Variants in GIGYF2 observed in about 807,000 individuals in gnomAD.
The protein encoded by GIGYF2 is GRB10-interacting GYF protein 2.
A neutral mutation model predicts 208.1 loss-of-function variants in GIGYF2; 25 were observed. The ratio of observed to expected loss-of-function variants is 0.12; its 90% CI spans 0.09 to 0.17. The LOEUF is 0.17. Ranked by LOEUF, GIGYF2 falls within the 10% of genes least tolerant of loss-of-function variation. GIGYF2 has a pLI of 1.00. For synonymous variants in GIGYF2, 534 were observed against 543.8 expected, an observed-to-expected ratio of 0.98 and a Z score of 0.25; for missense variants, 1,302 against 1,579.4, an observed-to-expected ratio of 0.82 and a Z score of 2.98.
intron 21 of GIGYF2, among the ~76,000 whole-genome samples, chr2:232,824,142 A>G (rs1701179442): frequency 6.6e-6 from 1 of 152,080 alleles, no homozygotes. Flanking sequence ...CGACCTCCCT[A>G]TTCGCTGAGA....
chr2:232,718,242 C>T (rs6746171), intron 2 of GIGYF2, among the ~76,000 whole-genome samples: 3,086 of 152,100 alleles, frequency 0.02, 122 homozygotes, highest in African/African-American at 0.071. Context: ...GGATTACAGG[C>T]GCCCACCACC....
rs10645449 is a variant in GIGYF2, at chr2:232,784,386, C to CTTTTTTT, written c.533-2749_533-2743dup. ...TCTAGCTACTTACACGAAATAATTT[C>CTTTTTTT]TTTTTTTTTTTTTTTTTTTTTGAGA... On this transcript the variant is annotated intron_variant, in intron 8 of 28. Coordinates refer to ENST00000373563, the MANE Select transcript of GIGYF2 (RefSeq NM_001103146.3). Among the ~76,000 whole-genome samples the CTTTTTTT allele has an allele frequency of 5.5e-4, 51 of 92,310 alleles. 6 individuals carry two copies. Among genetic ancestry groups the CTTTTTTT allele is most frequent in the Middle Eastern group, 8.9e-3 (1 of 112 alleles). The allele number at this position is 92,310 out of a possible 152,430, so 60.6% of individuals were successfully genotyped here. A position where few individuals can be genotyped will look rare whatever the true frequency, so the allele number is the denominator to read the frequency against.
chr2:232,714,871 G>A (rs1400560875), intron 2 of GIGYF2, among the ~76,000 whole-genome samples: 4 of 151,990 alleles, frequency 2.6e-5, no homozygotes, highest in East Asian at 1.9e-4. Flanking sequence ...TGTGTCATGG[G>A]GGTTTGTGGT....
intron 2 of GIGYF2, among the ~76,000 whole-genome samples, chr2:232,713,614 A>T (rs1334882304): frequency 6.6e-6 from 1 of 152,168 alleles, no homozygotes; most frequent in Non-Finnish European, 1.5e-5. Flanking sequence ...TCAGAATTCC[A>T]TCCAGGATAC....
Position 232,790,831 on chromosome 2 carries a change from G to A in GIGYF2, c.846G>A (p.Arg282=). Residue 282 remains arginine, a synonymous_variant, in exon 10 of 29, where the codon AGG becomes AGA. Transcript: ENST00000373563. ...GCAGTGGGAGCATAGATGATGACAG[G>A]GATAGCTTGCCCGAATGGTGCTTAG... The part of the protein sequence containing the change: ...RSGSGSIDDD[R]DSLPEWCLED... 6.2e-7 allele frequency: 1 copy of A among 1,614,064 alleles called. No homozygotes were observed. Among genetic ancestry groups the A allele is most frequent in the Non-Finnish European group, 8.5e-7 (1 of 1,179,976 alleles).
At chr2:232,824,337 G>A (rs1347045336) in intron 21 of GIGYF2, among the ~76,000 whole-genome samples, 1 of 152,196 alleles carries the variant, frequency 6.6e-6, no homozygotes, top group Non-Finnish European at 1.5e-5. Context: ...TAGCTAAGTT[G>A]TAAATGCAAA....
intron 3 of GIGYF2, among the ~76,000 whole-genome samples, chr2:232,746,941 G>T (rs1265030336): frequency 1.3e-5 from 2 of 152,038 alleles, no homozygotes; most frequent in Admixed American, 6.5e-5. Context: ...TCTAAATGTT[G>T]TATTTGTCAA....
chr2:232,807,021 C>T (rs1700581191), intron 15 of GIGYF2, among the ~76,000 whole-genome samples: 1 of 152,192 alleles, frequency 6.6e-6, no homozygotes, highest in Admixed American at 6.5e-5. Context: ...TTACCTTTAT[C>T]TGCTAGGCTT....
At chr2:232,765,986 G>A (rs968156060) in intron 8 of GIGYF2, 5 of 470,998 alleles carry the variant, frequency 1.1e-5, no homozygotes, top group African/African-American at 8.0e-5. Context: ...CCAGGTTAGT[G>A]AGCTGCACAT....
Position 232,735,269 on chromosome 2 carries a change from A to G in GIGYF2, c.41+31A>G, listed in dbSNP as rs1457751602. ...TTTTCAAAATCTCATCTTCTTTGATATTGGATGACTAATACAGTAGTAAAG... is the reference window on the plus strand; with the variant it reads ...TTTTCAAAATCTCATCTTCTTTGATGTTGGATGACTAATACAGTAGTAAAG... On this transcript the variant is annotated intron_variant, in intron 3 of 28. Coordinates refer to ENST00000373563, the MANE Select transcript of GIGYF2 (RefSeq NM_001103146.3). 4.7e-6 allele frequency: 7 copies of G among 1,484,966 alleles called. No individual in the cohort carries two copies. The South Asian group carries it at 6.8e-5, about 14-fold the overall frequency. The allele number at this position is 1,484,966 out of a possible 1,614,324, so 92.0% of individuals were successfully genotyped here.
chr2:232,814,703 C>T (rs1480938491), intron 18 of GIGYF2, among the ~76,000 whole-genome samples: 1 of 151,796 alleles, frequency 6.6e-6, no homozygotes, highest in African/African-American at 2.4e-5. Flanking sequence ...TGAAAAAATC[C>T]AAAATTTGAA....
At chr2:232,799,598 A>G (rs1212911034) in intron 14 of GIGYF2, among the ~76,000 whole-genome samples, 1 of 151,562 alleles carries the variant, frequency 6.6e-6, no homozygotes, top group African/African-American at 2.4e-5. Flanking sequence ...TGCTTTGAAC[A>G]TGAAGGTACA....
At chr2:232,728,199 T>C (rs1436182677) in intron 2 of GIGYF2, among the ~76,000 whole-genome samples, 1 of 152,110 alleles carries the variant, frequency 6.6e-6, no homozygotes, top group Non-Finnish European at 1.5e-5. Context: ...CGGTAGAAAG[T>C]TCTCATTTGG....
intron 3 of GIGYF2, among the ~76,000 whole-genome samples, 189 bp from the exon 4 acceptor site, chr2:232,747,425 CT>C (rs556404852): frequency 1.3e-3 from 205 of 152,276 alleles, no homozygotes; most frequent in Non-Finnish European, 2.5e-3. Context: ...GTCTAGTTAT[CT>C]CTCAATAAAC....
chr2:232,776,363 T>C, intron 8 of GIGYF2: 1 of 980,354 alleles, frequency 1.0e-6, no homozygotes, highest in Non-Finnish European at 1.6e-6. Context: ...GGAAGTAATC[T>C]AGCTCTGTTG....
At chr2:232,820,459 C>T (rs1289207477) in intron 21 of GIGYF2, among the ~76,000 whole-genome samples, 3 of 151,800 alleles carry the variant, frequency 2.0e-5, no homozygotes, top group Non-Finnish European at 4.4e-5. Context: ...GGACTACAGG[C>T]GCCTACCACC....
chr2:232,816,109 G>A (rs539805881), intron 19 of GIGYF2, among the ~76,000 whole-genome samples: 1 of 152,308 alleles, frequency 6.6e-6, no homozygotes, highest in South Asian at 2.1e-4. Context: ...TTGAATCTTT[G>A]TAGTGGTATT....
intron 14 of GIGYF2, among the ~76,000 whole-genome samples, chr2:232,801,822 G>A (rs1039110359): frequency 2.6e-5 from 4 of 152,162 alleles, no homozygotes; most frequent in Admixed American, 1.3e-4. Context: ...AAGCTTCATT[G>A]GGATTTTAAT....
At chr2:232,756,197 C>CTTTTTTTTTTTTTTTTTTTTTTTTGTTTT in intron 5 of GIGYF2, 26 bp from the exon 6 acceptor site, 1 of 709,936 alleles carries the variant, frequency 1.4e-6, no homozygotes, top group Non-Finnish European at 2.2e-6. Flanking sequence ...TCCTTTTTCT[C>CTTTTTTTTTTTTTTTTTTTTTTTTGTTTT]TTTTTTTTTT....
Sources: allele counts gnomAD v4.1 joint callset (sites outside exome capture counted in the v4.1 genomes callset), GRCh38; gene constraint gnomAD v4.1.1; transcripts MANE v1.5; gene names NCBI Gene and HGNC (gene_info 2026-07-23, HGNC 2026-07-21).